AEBP2: variants seen among roughly 807,000 people sequenced by gnomAD.
AEBP2 encodes zinc finger protein AEBP2.
AEBP2 carries 10 observed loss-of-function variants against 50.8 expected under a neutral mutation model. The ratio of observed to expected loss-of-function variants is 0.20; its 90% confidence interval spans 0.12 to 0.33. The LOEUF is 0.33. AEBP2 is among the 10% of genes least tolerant of loss of function. The pLI, the probability that AEBP2 is intolerant of heterozygous loss-of-function variation, is 1.00. For missense variants in AEBP2, 570 were observed against 688.0 expected (o/e 0.83, Z 1.92); for synonymous variants, 296 against 261.3 (o/e 1.13, Z -1.28).
Position 19,512,464 on chromosome 12 carries a change from A to C in AEBP2, c.1366A>C (p.Ile456Leu). The part of the protein sequence containing the change: ...KLLLHWMPED[I>L]LPDVWVNESE... ...TTTGCTTCATTGGATGCCTGAAGACATGTAAGTATTTGAAATATTATGCCT... is the reference window on the plus strand; with the variant it reads ...TTTGCTTCATTGGATGCCTGAAGACCTGTAAGTATTTGAAATATTATGCCT... Residue 456 changes from isoleucine (I) to leucine (L), a missense_variant and splice_region_variant, in exon 6 of 8, where the codon ATT (isoleucine) becomes CTT (leucine). By Grantham distance (5) the Ile-to-Leu change is conservative. Transcript: ENST00000266508. The C allele has an allele frequency of 6.4e-7, 1 of 1,558,152 alleles. No individual in the cohort carries two copies. Among genetic ancestry groups the C allele is most frequent in the Non-Finnish European group, 8.7e-7 (1 of 1,148,276 alleles).
chr12:19,517,112 G>A (rs536523464), intron 7 of AEBP2, among the ~76,000 whole-genome samples: 1 of 152,200 alleles, frequency 6.6e-6, no homozygotes, highest in Non-Finnish European at 1.5e-5. Flanking sequence ...TGAGTGTACT[G>A]TAAAGTGGCA....
In AEBP2 at chr12:19,414,923, CA is replaced by C. The variant is rs75855242; in HGVS notation, c.-17+10720del. On this transcript the variant is annotated intron_variant, in intron 1 of 3. Transcript: ENST00000538425. ...GGGCAACAGAATAAGATTCTATCTCCAAAAAAAAAAAAACAGTTTGAGTCCA... is the reference window on the plus strand; with the variant it reads ...GGGCAACAGAATAAGATTCTATCTCCAAAAAAAAAAAACAGTTTGAGTCCA... Among the ~76,000 whole-genome samples, 433 of 118,168 alleles carry C rather than the reference CA, an allele frequency of 3.7e-3. 2 individuals carry two copies. Among genetic ancestry groups the C allele is most frequent in the African/African-American group, 8.9e-3 (285 of 32,022 alleles). The allele number at this position is 118,168 out of a possible 152,430, so 77.5% of individuals were successfully genotyped here. A position where few individuals can be genotyped will look rare whatever the true frequency, so the allele number is the denominator to read the frequency against.
At chr12:19,417,492 C>T (rs531758904) in intron 1 of AEBP2, among the ~76,000 whole-genome samples, 3 of 152,104 alleles carry the variant, frequency 2.0e-5, no homozygotes, top group East Asian at 3.9e-4. Context: ...CTGCAACCTC[C>T]GCCTCCCGGG....
intron 1 of AEBP2, among the ~76,000 whole-genome samples, chr12:19,429,773 CTTCTT>C (rs2095750465): frequency 6.7e-6 from 1 of 150,230 alleles, no homozygotes; most frequent in African/African-American, 2.4e-5. Context: ...GCATAAATGT[CTTCTT>C]TTGAGAAGTG....
chr12:19,494,323 T>G (rs1948938319), intron 4 of AEBP2, among the ~76,000 whole-genome samples: 1 of 151,828 alleles, frequency 6.6e-6, no homozygotes, highest in South Asian at 2.1e-4. Flanking sequence ...GAAAGTTAAG[T>G]AATCTATCTA....
intron 1 of AEBP2, among the ~76,000 whole-genome samples, chr12:19,458,652 A>G (rs1402531637): frequency 6.6e-6 from 1 of 152,204 alleles, no homozygotes; most frequent in African/African-American, 2.4e-5. Flanking sequence ...GCAAAAGTAC[A>G]TGAAGTACTA....
At chr12:19,453,916 G>T (rs1353487058) in intron 1 of AEBP2, among the ~76,000 whole-genome samples, 1 of 151,880 alleles carries the variant, frequency 6.6e-6, no homozygotes, top group Admixed American at 6.6e-5. Context: ...CCCCCCCTCG[G>T]CCTCCCAAAG....
In AEBP2 at chr12:19,484,674, A is replaced by G. The variant is rs538605924; in HGVS notation, c.988-9126A>G. Among the ~76,000 whole-genome samples the G allele has an allele frequency of 9.8e-4, 149 of 152,216 alleles. 1 individual carries two copies. The highest frequency in any genetic ancestry group is 1.7e-3 in the Non-Finnish European group (113 of 68,020). On this transcript the variant is annotated intron_variant, in intron 3 of 7. Coordinates refer to ENST00000266508, the MANE Select transcript of AEBP2 (RefSeq NM_153207.5). The stretch of plus-strand genomic sequence containing the variant: ...AGGTGTGAGCCACCGCGCCTGGCCC[A>G]TCTTAATAGTTTTAATTAGTATTTC...
Position 19,472,115 on chromosome 12 carries a change from G to T in AEBP2, c.880-1133G>T, listed in dbSNP as rs188172200. ...TGACATAAGATGGTATTGTTTTTGA[G>T]TAAAAATTGACCTCAATTATTTGTT... On this transcript the variant is annotated intron_variant, in intron 2 of 7. Coordinates refer to ENST00000266508, the MANE Select transcript of AEBP2 (RefSeq NM_153207.5). 1.5e-3 allele frequency among the ~76,000 whole-genome samples: 232 copies of T among 152,206 alleles called. 2 individuals are homozygous for T. The highest frequency in any genetic ancestry group is 8.9e-3 in the Admixed American group (136 of 15,292).
At chr12:19,479,534 T>C (rs1474734653) in intron 3 of AEBP2, among the ~76,000 whole-genome samples, 2 of 152,112 alleles carry the variant, frequency 1.3e-5, no homozygotes, top group Admixed American at 6.6e-5. Flanking sequence ...TATTATTACA[T>C]AATTATGTTG....
intron 1 of AEBP2, among the ~76,000 whole-genome samples, chr12:19,454,089 G>A (rs570480747): frequency 9.9e-5 from 15 of 152,018 alleles, no homozygotes; most frequent in Admixed American, 7.2e-4. Flanking sequence ...ACGGGGTCTC[G>A]CCATGTTGCC....
At chr12:19,472,580 C>T (rs996567464) in intron 2 of AEBP2, among the ~76,000 whole-genome samples, 18 of 152,036 alleles carry the variant, frequency 1.2e-4, no homozygotes, top group African/African-American at 4.1e-4. Context: ...CTTAATATTT[C>T]GTATTCTATT....
intron 1 of AEBP2, among the ~76,000 whole-genome samples, chr12:19,428,432 G>A (rs1169986324): frequency 1.3e-5 from 2 of 152,184 alleles, no homozygotes; most frequent in Admixed American, 6.5e-5. Flanking sequence ...TCATGTCTGT[G>A]TCCCAGCCCA....
At chr12:19,433,742 G>T (rs1565699926) in intron 1 of AEBP2, among the ~76,000 whole-genome samples, 1 of 151,858 alleles carries the variant, frequency 6.6e-6, no homozygotes, top group Non-Finnish European at 1.5e-5. Flanking sequence ...GGTGGAGGTT[G>T]CAGTGAACCG....
chr12:19,517,986 A>G (rs1949344895), intron 7 of AEBP2, 101 bp from the exon 8 acceptor site: 4 of 1,060,254 alleles, frequency 3.8e-6, no homozygotes. Context: ...ATCTATGATC[A>G]TCACATTGCC....
intron 6 of AEBP2, 28 bp downstream of exon 6, chr12:19,512,493 T>TA (rs1565738632): frequency 7.3e-7 from 1 of 1,363,970 alleles, no homozygotes; most frequent in African/African-American, 1.5e-5. Flanking sequence ...TATGCCTTAG[T>TA]AATAAGTTCA....
chr12:19,506,415 T>C (rs543401070), intron 5 of AEBP2, among the ~76,000 whole-genome samples: 35 of 152,318 alleles, frequency 2.3e-4, no homozygotes, highest in African/African-American at 8.4e-4. Flanking sequence ...ATTTCTCTCT[T>C]AGTAAAGAAA....
At chr12:19,509,118 A>G (rs1456054590) in intron 5 of AEBP2, 3 of 540,810 alleles carry the variant, frequency 5.5e-6, no homozygotes, top group Non-Finnish European at 1.0e-5. Flanking sequence ...CAAAGCAAAG[A>G]ACATGTCAGC....
rs1406795090 is a variant in AEBP2 at position 19,483,251 on chromosome 12, C to G, written c.987+9896C>G. Among the ~76,000 whole-genome samples, 9 of 152,122 alleles carry G rather than the reference C, an allele frequency of 5.9e-5. No homozygotes were observed. In the East Asian group the frequency reaches 1.7e-3, roughly 29 times the overall value. On this transcript the variant is annotated intron_variant, in intron 3 of 7. Coordinates refer to ENST00000266508, the MANE Select transcript of AEBP2 (RefSeq NM_153207.5). ...TCTAGCTAGAGGCTGGGAATGCTTA[C>G]AAGGCATTTCCCACTGCTGCTTCTA...
Sources: allele counts gnomAD v4.1 joint callset (sites outside exome capture counted in the v4.1 genomes callset), GRCh38; gene constraint gnomAD v4.1.1; transcripts MANE v1.5; gene names NCBI Gene and HGNC (gene_info 2026-07-23, HGNC 2026-07-21).